DOK5: variants seen among roughly 807,000 people sequenced by gnomAD.
The protein encoded by DOK5 is docking protein 5, also known as downstream of tyrosine kinase 5.
A neutral mutation model predicts 43.3 loss-of-function variants in DOK5; 27 were observed. The ratio of observed to expected loss-of-function variants is 0.62; its 90% CI spans 0.46 to 0.86. The LOEUF is 0.86. Among genes scored for constraint, DOK5 ranks in the 40% least tolerant of loss-of-function variants. The probability of loss-of-function intolerance (pLI) is 0.00; values close to 1 mark genes in which losing one functional copy is unlikely to be tolerated. For missense variants in DOK5, 373 were observed against 392.9 expected (o/e 0.95, Z 0.43); for synonymous variants, 146 against 140.1 (o/e 1.04, Z -0.30).
At position 54,490,940 on chromosome 20, in the gene DOK5, A is replaced by G. The variant is rs186446518; in HGVS notation, c.66+14928A>G. Reference sequence around the variant, plus strand: ...TATAGCATCTACTTTTCACTCTTCAAATGGTGAACTCTTTTCCGTCCATGT... The same window carrying G: ...TATAGCATCTACTTTTCACTCTTCAGATGGTGAACTCTTTTCCGTCCATGT... On this transcript the variant is annotated intron_variant, in intron 1 of 7. Transcript: ENST00000262593. Among the ~76,000 whole-genome samples, 222 of 152,212 alleles carry G rather than the reference A, an allele frequency of 1.5e-3. 2 individuals are homozygous for G. Among genetic ancestry groups the G allele is most frequent in the South Asian group, 0.013 (63 of 4,818 alleles).
intron 5 of DOK5, among the ~76,000 whole-genome samples, chr20:54,592,028 A>C (rs1459589213): frequency 6.6e-6 from 1 of 152,246 alleles, no homozygotes; most frequent in African/African-American, 2.4e-5. Context: ...AATGTTTCAC[A>C]CACATGGTAC....
At chr20:54,638,705 C>T (rs987993263) in intron 6 of DOK5, among the ~76,000 whole-genome samples, 3 of 150,686 alleles carry the variant, frequency 2.0e-5, no homozygotes, top group South Asian at 2.1e-4. Flanking sequence ...GTATGGGTCA[C>T]GTGTAGTATA....
chr20:54,555,719 T>G (rs1984689286), intron 2 of DOK5, among the ~76,000 whole-genome samples: 1 of 152,228 alleles, frequency 6.6e-6, no homozygotes, highest in South Asian at 2.1e-4. Context: ...CCTCCGAGGC[T>G]CTGGTTATTT....
chr20:54,523,631 G>A (rs1446218710), intron 1 of DOK5, among the ~76,000 whole-genome samples: 2 of 152,008 alleles, frequency 1.3e-5, no homozygotes, highest in African/African-American at 4.8e-5. Flanking sequence ...TTGAGATGGA[G>A]TTTTGTTCTT....
At position 54,491,068 on chromosome 20, in the gene DOK5, T is replaced by C. The variant is rs886604480; in HGVS notation, c.66+15056T>C. Among the ~76,000 whole-genome samples the C allele has an allele frequency of 3.3e-5, 5 of 152,358 alleles. No individual in the cohort carries two copies. In the East Asian group the frequency reaches 7.7e-4, roughly 24 times the overall value. On this transcript the variant is annotated intron_variant, in intron 1 of 7. Transcript: ENST00000262593. ...CCCTGCCCAGGGAACTGTTTGACCA[T>C]CCAATCTTAGGTGGTCTCCTTCAGG...
intron 1 of DOK5, among the ~76,000 whole-genome samples, chr20:54,508,565 T>G (rs76529209): frequency 0.027 from 4,124 of 151,686 alleles, 178 homozygotes; most frequent in African/African-American, 0.095. Context: ...TGGGAATGTT[T>G]TAATTTTTAT....
chr20:54,584,025 C>T (rs547844242), intron 2 of DOK5, among the ~76,000 whole-genome samples: 1 of 151,858 alleles, frequency 6.6e-6, no homozygotes, highest in African/African-American at 2.4e-5. Context: ...TGGTGCACAC[C>T]TATAGTCTCA....
intron 6 of DOK5, among the ~76,000 whole-genome samples, chr20:54,617,583 T>C (rs916724691): frequency 7.2e-5 from 11 of 152,064 alleles, no homozygotes; most frequent in Non-Finnish European, 1.5e-5. Flanking sequence ...CCTCCGCCTC[T>C]CAAAGTGCTG....
At chr20:54,505,553 G>A (rs988103866) in intron 1 of DOK5, among the ~76,000 whole-genome samples, 2 of 151,874 alleles carry the variant, frequency 1.3e-5, no homozygotes, top group African/African-American at 4.8e-5. Flanking sequence ...GTTCAAGGAG[G>A]GAAACAGATA....
intron 1 of DOK5, among the ~76,000 whole-genome samples, chr20:54,512,034 A>T (rs750169620): frequency 6.6e-5 from 10 of 152,126 alleles, no homozygotes; most frequent in East Asian, 3.9e-4. Flanking sequence ...TACCTTATAC[A>T]CACCAACAGA....
At chr20:54,529,183 C>A (rs1983678678) in intron 1 of DOK5, among the ~76,000 whole-genome samples, 2 of 152,088 alleles carry the variant, frequency 1.3e-5, no homozygotes, top group African/African-American at 4.8e-5. Context: ...TGATTAAATG[C>A]AAAGGCATTA....
intron 1 of DOK5, among the ~76,000 whole-genome samples, chr20:54,478,869 G>A (rs6023273): frequency 0.15 from 22,940 of 152,020 alleles, 2,443 homozygotes; most frequent in African/African-American, 0.3. Flanking sequence ...ATTGGTAGAC[G>A]GATATAGGAA....
intron 5 of DOK5, among the ~76,000 whole-genome samples, chr20:54,605,010 AAAAT>A (rs1334492179): frequency 0.022 from 3,104 of 141,594 alleles, 147 homozygotes; most frequent in African/African-American, 0.085. Context: ...TCAAAAAAAA[AAAAT>A]ATATATATAT....
At chr20:54,556,306 C>T (rs963741902) in intron 2 of DOK5, among the ~76,000 whole-genome samples, 1 of 152,184 alleles carries the variant, frequency 6.6e-6, no homozygotes, top group African/African-American at 2.4e-5. Context: ...TTTCCTCTAT[C>T]ATTTATCTGT....
intron 5 of DOK5, among the ~76,000 whole-genome samples, chr20:54,607,403 G>GGTGTGTGTGTGTGTGTGTGTGT (rs10684906): frequency 6.9e-6 from 1 of 145,544 alleles, no homozygotes; most frequent in African/African-American, 2.6e-5. Flanking sequence ...AGTGGTAAGT[G>GGTGTGTGTGTGTGTGTGTGTGT]GTGTGTGTGT....
intron 1 of DOK5, among the ~76,000 whole-genome samples, chr20:54,507,157 T>C (rs1048208345): frequency 1.3e-5 from 2 of 152,142 alleles, no homozygotes; most frequent in Non-Finnish European, 2.9e-5. Flanking sequence ...GTACTTGGGA[T>C]ACAGTATGAA....
At chr20:54,624,706 G>A (rs1335798129) in intron 6 of DOK5, among the ~76,000 whole-genome samples, 1 of 152,190 alleles carries the variant, frequency 6.6e-6, no homozygotes, top group Admixed American at 6.5e-5. Flanking sequence ...GAGGCAAAGG[G>A]AGCAGTGAAT....
intron 1 of DOK5, among the ~76,000 whole-genome samples, chr20:54,477,464 G>C (rs73911915): frequency 3.9e-4 from 59 of 152,252 alleles, no homozygotes; most frequent in African/African-American, 1.3e-3. Flanking sequence ...ATTTCCATCA[G>C]CTCTGCCAAA....
intron 1 of DOK5, among the ~76,000 whole-genome samples, chr20:54,489,140 T>A (rs946331842): frequency 2.0e-5 from 3 of 152,216 alleles, no homozygotes; most frequent in African/African-American, 7.2e-5. Flanking sequence ...TGTTTATATA[T>A]AATCTGCAAA....
Sources: gnomAD v4.1 joint callset for allele counts (sites outside exome capture counted in the v4.1 genomes callset) on GRCh38, gnomAD v4.1.1 for gene constraint, MANE v1.5 for transcripts, NCBI Gene and HGNC (gene_info 2026-07-23, HGNC 2026-07-21) for gene names.